The following AGBL4 variants were observed in gnomAD, a reference collection of about 807,000 sequenced individuals.
AGBL4 encodes AGBL carboxypeptidase 4.
Under a neutral mutation model 66.4 loss-of-function variants are expected in AGBL4, and 58 were observed. The ratio of observed to expected loss-of-function variants is 0.87; its 90% confidence interval spans 0.71 to 1.09. The LOEUF (loss-of-function observed/expected upper bound fraction) is 1.09, where lower values mean the gene tolerates loss of function less well. Ranked by LOEUF, AGBL4 falls within the 50% of genes least tolerant of loss-of-function variation. The pLI, the probability that AGBL4 is intolerant of heterozygous loss-of-function variation, is 0.00. For synonymous variants in AGBL4, 234 were observed against 222.9 expected (o/e 1.05, Z -0.44); for missense variants, 579 against 631.0 (o/e 0.92, Z 0.88).
chr1:48,744,020 A>T (rs937743196), intron 6 of AGBL4, among the ~76,000 whole-genome samples: 4 of 152,222 alleles, frequency 2.6e-5, no homozygotes, highest in Non-Finnish European at 5.9e-5. Flanking sequence ...CAAATAAAAG[A>T]GCTCAACTCA....
At chr1:48,620,030 G>A (rs967738381) in intron 9 of AGBL4, among the ~76,000 whole-genome samples, 1 of 152,124 alleles carries the variant, frequency 6.6e-6, no homozygotes, top group Non-Finnish European at 1.5e-5. Context: ...CAAACTCTCG[G>A]AATGAAGGAA....
At chr1:49,398,828 T>C (rs1373252201) in intron 3 of AGBL4, among the ~76,000 whole-genome samples, 1 of 152,196 alleles carries the variant, frequency 6.6e-6, no homozygotes, top group Non-Finnish European at 1.5e-5. Context: ...CAAGCACTTA[T>C]CTTTTGTGTT....
At chr1:48,586,254 A>C (rs1020203668) in intron 11 of AGBL4, 1 of 152,236 alleles carries the variant, frequency 6.6e-6, no homozygotes, top group Non-Finnish European at 1.5e-5. Context: ...GTTTTCAGAG[A>C]AATTTTATGA....
chr1:49,385,813 C>G (rs988375006), intron 3 of AGBL4, among the ~76,000 whole-genome samples: 4 of 151,980 alleles, frequency 2.6e-5, no homozygotes, highest in African/African-American at 9.7e-5. Flanking sequence ...TATTCTGTGG[C>G]CTAAACTTTA....
intron 2 of AGBL4, among the ~76,000 whole-genome samples, chr1:49,779,561 G>A (rs1162523211): frequency 8.5e-5 from 13 of 152,204 alleles, no homozygotes; most frequent in East Asian, 5.8e-4. Flanking sequence ...GAAAACCACC[G>A]CAGCTGAGGT....
Position 49,929,827 on chromosome 1 carries a change from A to G in AGBL4, c.35-78309T>C, listed in dbSNP as rs531813004. ...AAAACATATAAAAGTAAAATGTTTC[A>G]TAACAATAGCACAAAGGTCAGACGG... On this transcript the variant is annotated intron_variant, in intron 1 of 13. Coordinates refer to ENST00000371839, the MANE Select transcript of AGBL4 (RefSeq NM_032785.4). Among the ~76,000 whole-genome samples, 114 of 152,288 alleles carry G rather than the reference A, an allele frequency of 7.5e-4. 1 individual carries two copies. The highest frequency in any genetic ancestry group is 2.7e-3 in the African/African-American group (112 of 41,588).
intron 2 of AGBL4, among the ~76,000 whole-genome samples, chr1:49,834,847 A>G (rs899019845): frequency 1.6e-4 from 24 of 152,230 alleles, no homozygotes; most frequent in African/African-American, 5.8e-4. Context: ...GTCATTCAGG[A>G]GCAGGTTGTT....
Position 48,596,471 on chromosome 1 carries a change from G to A in AGBL4, c.952-5486C>T, listed in dbSNP as rs188452497. Among the ~76,000 whole-genome samples the A allele has an allele frequency of 3.2e-3, 480 of 152,174 alleles. 2 individuals carry two copies. The highest frequency in any genetic ancestry group is 0.011 in the African/African-American group (460 of 41,506). On this transcript the variant is annotated intron_variant, in intron 9 of 13. Transcript: ENST00000371839. Reference sequence around the variant, plus strand: ...AATGTCTCCCTGTCTGTTTTTTAAGGAATGAAAGCTATTTCTGTGTTCTAA... The same window carrying A: ...AATGTCTCCCTGTCTGTTTTTTAAGAAATGAAAGCTATTTCTGTGTTCTAA...
At chr1:49,636,515 A>C (rs1394403368) in intron 3 of AGBL4, among the ~76,000 whole-genome samples, 1 of 152,208 alleles carries the variant, frequency 6.6e-6, no homozygotes, top group African/African-American at 2.4e-5. Flanking sequence ...ATAGTAGTGA[A>C]ATAGTCACAC....
intron 4 of AGBL4, among the ~76,000 whole-genome samples, chr1:49,111,670 G>T (rs1024199280): frequency 7.9e-5 from 12 of 152,028 alleles, no homozygotes; most frequent in African/African-American, 2.7e-4. Flanking sequence ...GTATTTCATT[G>T]CTTACTTGTG....
intron 11 of AGBL4, chr1:48,584,789 C>A (rs748376358): frequency 6.6e-6 from 1 of 152,162 alleles, no homozygotes; most frequent in Non-Finnish European, 1.5e-5. Context: ...CCTAGGACTG[C>A]GTGTGAGTTC....
At position 49,176,653 on chromosome 1, in the gene AGBL4, T is replaced by A. The variant is rs78622049; in HGVS notation, c.377+69117A>T. On this transcript the variant is annotated intron_variant, in intron 4 of 13. Transcript: ENST00000371839. ...ACACATGGACTTTGCGCAAACTGCT[T>A]CTAATGAGAGTTATTTCTCAAGATA... 5.4e-3 allele frequency among the ~76,000 whole-genome samples: 815 copies of A among 152,242 alleles called. 12 individuals carry two copies. Among genetic ancestry groups the A allele is most frequent in the African/African-American group, 0.019 (771 of 41,554 alleles).
chr1:49,562,608 C>T (rs1235315017), intron 3 of AGBL4, among the ~76,000 whole-genome samples: 1 of 152,082 alleles, frequency 6.6e-6, no homozygotes. Flanking sequence ...TGTCAAAGAT[C>T]AGATATTTGT....
At chr1:49,597,503 G>T (rs1242745507) in intron 3 of AGBL4, among the ~76,000 whole-genome samples, 1 of 152,170 alleles carries the variant, frequency 6.6e-6, no homozygotes, top group Non-Finnish European at 1.5e-5. Flanking sequence ...ACCCTCAGCA[G>T]AAGAAATTGC....
intron 4 of AGBL4, among the ~76,000 whole-genome samples, chr1:49,124,716 A>G (rs1350416437): frequency 2.0e-5 from 3 of 152,248 alleles, no homozygotes; most frequent in Non-Finnish European, 4.4e-5. Flanking sequence ...ATAAAGTAGC[A>G]AGATTTTATG....
chr1:48,841,051 C>T (rs1646786208), intron 6 of AGBL4, among the ~76,000 whole-genome samples: 1 of 152,118 alleles, frequency 6.6e-6, no homozygotes, highest in South Asian at 2.1e-4. Context: ...ATGTTTATGA[C>T]ACTCTTAAAA....
chr1:49,927,698 A>C (rs560253491), intron 1 of AGBL4, among the ~76,000 whole-genome samples: 1 of 152,212 alleles, frequency 6.6e-6, no homozygotes, highest in African/African-American at 2.4e-5. Context: ...AAAGAATGGG[A>C]AAGAATGAAG....
At chr1:49,190,447 G>T (rs562620780) in intron 4 of AGBL4, among the ~76,000 whole-genome samples, 4 of 152,130 alleles carry the variant, frequency 2.6e-5, no homozygotes, top group Non-Finnish European at 5.9e-5. Context: ...ATGTTAATTT[G>T]GAAATAAGTT....
intron 2 of AGBL4, among the ~76,000 whole-genome samples, chr1:49,828,019 TATA>T (rs1645556124): frequency 6.6e-6 from 1 of 152,220 alleles, no homozygotes; most frequent in Admixed American, 6.5e-5. Flanking sequence ...GACAAAATGT[TATA>T]ATATGTGCAT....
Sources: gnomAD v4.1 joint callset for allele counts (sites outside exome capture counted in the v4.1 genomes callset) on GRCh38, gnomAD v4.1.1 for gene constraint, MANE v1.5 for transcripts, NCBI Gene and HGNC (gene_info 2026-07-23, HGNC 2026-07-21) for gene names.